Variants in JAK2 observed in about 807,000 individuals in gnomAD.
JAK2 encodes the protein Janus kinase 2.
In JAK2, 86 loss-of-function variants were observed where a neutral mutation model predicts 139.3. The ratio of observed to expected loss-of-function variants is 0.62; its 90% CI spans 0.52 to 0.74. The LOEUF (loss-of-function observed/expected upper bound fraction) is 0.74, where lower values mean the gene tolerates loss of function less well. Ranked by LOEUF, JAK2 falls within the 30% of genes least tolerant of loss-of-function variation. JAK2 has a pLI of 0.00. For synonymous variants in JAK2, 490 were observed against 437.7 expected (o/e 1.12, Z -1.49); for missense variants, 1,421 against 1,360.3 (o/e 1.04, Z -0.70).
At chr9:4,997,251 T>C (rs763030122) in intron 2 of JAK2, among the ~76,000 whole-genome samples, 1 of 152,064 alleles carries the variant, frequency 6.6e-6, no homozygotes, top group Non-Finnish European at 1.5e-5. Context: ...TGTTCTTGCA[T>C]TGCTATAAAG....
At chr9:5,007,255 C>T (rs1371987301) in intron 2 of JAK2, among the ~76,000 whole-genome samples, 1 of 152,078 alleles carries the variant, frequency 6.6e-6, no homozygotes, top group Admixed American at 6.5e-5. Context: ...TTATGAATAT[C>T]TTAGTATACA....
At chr9:5,120,294 C>T (rs1015629466) in intron 22 of JAK2, among the ~76,000 whole-genome samples, 1 of 152,204 alleles carries the variant, frequency 6.6e-6, no homozygotes, top group Non-Finnish European at 1.5e-5. Context: ...GTAATCATCT[C>T]TTAAAGGCCC....
chr9:5,095,344 C>G (rs1051451630), intron 22 of JAK2, among the ~76,000 whole-genome samples: 16 of 152,108 alleles, frequency 1.1e-4, no homozygotes, highest in African/African-American at 3.9e-4. Context: ...TATAGTAGTT[C>G]TTACCCCCAT....
chr9:5,011,175 C>T (rs986168612), intron 2 of JAK2, among the ~76,000 whole-genome samples: 1 of 151,990 alleles, frequency 6.6e-6, no homozygotes, highest in Non-Finnish European at 1.5e-5. Flanking sequence ...AACATTTAGC[C>T]AGTATTTTTT....
At chr9:5,110,762 G>GTAGA (rs1350516242) in intron 22 of JAK2, 16 of 385,082 alleles carry the variant, frequency 4.2e-5, no homozygotes, top group African/African-American at 3.1e-4. Flanking sequence ...CTGCGGACTG[G>GTAGA]CCATGCAGGA....
intron 22 of JAK2, chr9:5,099,573 C>A (rs1821300127): frequency 6.6e-6 from 1 of 152,164 alleles, no homozygotes; most frequent in Non-Finnish European, 1.5e-5. Flanking sequence ...TGAACGAAAT[C>A]TATTCATCTC....
At chr9:5,021,485 A>G (rs940457476) in intron 2 of JAK2, among the ~76,000 whole-genome samples, 2 of 152,132 alleles carry the variant, frequency 1.3e-5, no homozygotes, top group Non-Finnish European at 2.9e-5. Context: ...AAAATGTATG[A>G]TTTCTTGCAT....
rs189916629 is a variant in JAK2, at chr9:5,062,831, A to T, written c.1057-2052A>T. Among the ~76,000 whole-genome samples, 569 of 152,214 alleles carry T rather than the reference A, an allele frequency of 3.7e-3. 3 individuals are homozygous for T. Among genetic ancestry groups the T allele is most frequent in the African/African-American group, 0.013 (546 of 41,542 alleles). Reference sequence around the variant, plus strand: ...TAATTAGAACCTGAGATTGAGCAATACCTCATGTGTTTATAGGTCAGCTTT... The same window carrying T: ...TAATTAGAACCTGAGATTGAGCAATTCCTCATGTGTTTATAGGTCAGCTTT... On this transcript the variant is annotated intron_variant, in intron 8 of 24. Transcript: ENST00000381652.
chr9:5,047,598 A>G (rs1384276604), intron 5 of JAK2, among the ~76,000 whole-genome samples: 2 of 152,074 alleles, frequency 1.3e-5, no homozygotes, highest in Non-Finnish European at 2.9e-5. Context: ...GAAGATGTAA[A>G]TTTCTTAAGT....
At chr9:5,079,398 C>T (rs995899858) in intron 16 of JAK2, among the ~76,000 whole-genome samples, 3 of 152,134 alleles carry the variant, frequency 2.0e-5, no homozygotes, top group African/African-American at 4.8e-5. Context: ...TTGAGAAATT[C>T]CGTGATTTGA....
chr9:5,123,191 A>G, intron 23 of JAK2, 70 bp downstream of exon 23: 1 of 1,078,762 alleles, frequency 9.3e-7, no homozygotes, highest in Non-Finnish European at 1.4e-6. Context: ...TATGGGGTAC[A>G]AGTACAATTT....
chr9:5,109,278 A>G (rs1028429748), intron 22 of JAK2: 2 of 152,196 alleles, frequency 1.3e-5, no homozygotes, highest in Admixed American at 6.5e-5. Flanking sequence ...TAAAATTATT[A>G]TGGGCTTTAC....
At chr9:5,021,484 G>A (rs1227924130) in intron 2 of JAK2, among the ~76,000 whole-genome samples, 2 of 152,200 alleles carry the variant, frequency 1.3e-5, no homozygotes, top group African/African-American at 4.8e-5. Flanking sequence ...TAAAATGTAT[G>A]ATTTCTTGCA....
chr9:5,118,466 T>A (rs1047914908), intron 22 of JAK2, among the ~76,000 whole-genome samples: 11 of 152,184 alleles, frequency 7.2e-5, no homozygotes, highest in African/African-American at 2.7e-4. Context: ...TGGGTTATCA[T>A]TGAAGTTACT....
intron 22 of JAK2, chr9:5,114,539 CA>C: frequency 2.1e-6 from 1 of 474,336 alleles, no homozygotes. Context: ...GGAACCAGGA[CA>C]AGCGCACCCT....
At chr9:5,111,678 G>C in intron 22 of JAK2, 1 of 421,208 alleles carries the variant, frequency 2.4e-6, no homozygotes, top group Non-Finnish European at 4.7e-6. Context: ...GGCCCTGTGG[G>C]CAGTGGCGGA....
chr9:5,048,381 TC>T (rs1817178531), intron 5 of JAK2, among the ~76,000 whole-genome samples: 1 of 152,134 alleles, frequency 6.6e-6, no homozygotes, highest in African/African-American at 2.4e-5. Flanking sequence ...GACCTTGTCA[TC>T]TGCCTGCCTT....
At chr9:5,086,548 C>T (rs1276449579) in intron 19 of JAK2, among the ~76,000 whole-genome samples, 1 of 152,268 alleles carries the variant, frequency 6.6e-6, no homozygotes, top group East Asian at 1.9e-4. Flanking sequence ...ATTGTTTTCT[C>T]ATCACCTTAC....
intron 2 of JAK2, among the ~76,000 whole-genome samples, chr9:4,996,560 A>AT (rs1402034286): frequency 1.3e-5 from 2 of 151,396 alleles, no homozygotes; most frequent in Admixed American, 1.3e-4. Context: ...GGTATTGTAG[A>AT]TTTTTTGGTT....
Sources: allele counts gnomAD v4.1 joint callset (sites outside exome capture counted in the v4.1 genomes callset), GRCh38; gene constraint gnomAD v4.1.1; transcripts MANE v1.5; gene names NCBI Gene and HGNC (gene_info 2026-07-23, HGNC 2026-07-21).